Variants in NRXN3 observed in about 807,000 individuals in gnomAD.
NRXN3 encodes the protein neurexin 3, also known as neurexin III.
Under a neutral mutation model 137.6 loss-of-function variants are expected in NRXN3, and 32 were observed. That is an observed-to-expected ratio of 0.23 (90% CI 0.18 to 0.31). The LOEUF (loss-of-function observed/expected upper bound fraction) is 0.31. Ranked by LOEUF, NRXN3 falls within the 10% of genes least tolerant of loss-of-function variation. The pLI, the probability that NRXN3 is intolerant of heterozygous loss-of-function variation, is 1.00. For synonymous variants in NRXN3, 798 were observed against 784.5 expected (o/e 1.02, Z -0.29); for missense variants, 1,574 against 2,062.5 (o/e 0.76, Z 4.59).
chr14:78,270,969 C>G (rs1280901520), intron 2 of NRXN3, among the ~76,000 whole-genome samples: 1 of 152,220 alleles, frequency 6.6e-6, no homozygotes, highest in African/African-American at 2.4e-5. Flanking sequence ...GCACACATCT[C>G]AAACTTGTAC....
In NRXN3 at chr14:78,243,645, G is replaced by A. The variant is rs377180579; in HGVS notation, c.552G>A (p.Ser184=). ...TTCTGGATCTCAAGTATGGAAACTC[G>A]GAGCCTCGGCTTCTGGGGAGCCGGG... ...GLILDLKYGN[S]EPRLLGSRGV... Residue 184 remains serine (S), a synonymous_variant, in exon 2 of 21, where the codon TCG becomes TCA. Transcript: ENST00000335750. This position sits in a 1 kb window ranked among gnomAD's most constrained non-coding sequence, Gnocchi z 4.2. 4.1e-4 allele frequency: 656 copies of A among 1,598,406 alleles called. No homozygotes were observed. Among genetic ancestry groups the A allele is most frequent in the Non-Finnish European group, 5.0e-4 (585 of 1,179,804 alleles).
At chr14:78,300,397 G>A (rs1405357761) in intron 4 of NRXN3, among the ~76,000 whole-genome samples, 1 of 152,234 alleles carries the variant, frequency 6.6e-6, no homozygotes, top group Non-Finnish European at 1.5e-5. Context: ...GAAATGAATG[G>A]GATGGAGCTT....
At chr14:79,562,083 G>C (rs917134277) in intron 16 of NRXN3, among the ~76,000 whole-genome samples, 3 of 152,028 alleles carry the variant, frequency 2.0e-5, no homozygotes, top group African/African-American at 7.2e-5. Flanking sequence ...ACATATATAA[G>C]TATCATATAA....
At position 78,671,645 on chromosome 14, in the gene NRXN3, A is replaced by T. The variant is rs189722605; in HGVS notation, c.1221+20319A>T. On this transcript the variant is annotated intron_variant, in intron 6 of 20. Transcript: ENST00000335750. ...TTTTTTTCAGTTGCTCTAAATTTTT[A>T]AAAATACGTTTATGCATTTTCCTAT... Among the ~76,000 whole-genome samples, 945 of 152,316 alleles carry T rather than the reference A, an allele frequency of 6.2e-3. 6 individuals are homozygous for T. Among genetic ancestry groups the T allele is most frequent in the East Asian group, 0.037 (192 of 5,188 alleles).
intron 16 of NRXN3, among the ~76,000 whole-genome samples, chr14:79,580,573 G>C (rs547378683): frequency 1.4e-4 from 21 of 152,188 alleles, no homozygotes; most frequent in Non-Finnish European, 2.9e-4. Flanking sequence ...ATTCACGGGT[G>C]CTATTTACAG....
intron 19 of NRXN3, among the ~76,000 whole-genome samples, chr14:79,747,286 A>G (rs1163981910): frequency 6.6e-6 from 1 of 152,094 alleles, no homozygotes; most frequent in Non-Finnish European, 1.5e-5. Context: ...TTTTAGTGTA[A>G]TGAAGGATCA....
chr14:79,136,736 C>T (rs1443856386), intron 15 of NRXN3, among the ~76,000 whole-genome samples: 2 of 152,148 alleles, frequency 1.3e-5, no homozygotes, highest in Non-Finnish European at 2.9e-5. Context: ...CTTATGTTCC[C>T]CAGGGACTGC....
chr14:79,348,240 T>C (rs2092997918), intron 15 of NRXN3, among the ~76,000 whole-genome samples: 1 of 152,170 alleles, frequency 6.6e-6, no homozygotes, highest in African/African-American at 2.4e-5. Context: ...GTAGGCCTTT[T>C]CTCCCTAATG....
intron 1 of NRXN3, among the ~76,000 whole-genome samples, chr14:78,219,159 G>GA (rs960921166): frequency 2.4e-5 from 1 of 42,180 alleles, no homozygotes; most frequent in Non-Finnish European, 5.1e-5. Context: ...TTTGGTGGGA[G>GA]GGGGGATGCA....
chr14:78,382,136 T>C (rs1326047154), intron 4 of NRXN3, among the ~76,000 whole-genome samples: 1 of 152,190 alleles, frequency 6.6e-6, no homozygotes, highest in Non-Finnish European at 1.5e-5. Context: ...CATGTAAATG[T>C]ACAATTAACT....
At chr14:78,444,344 CA>C (rs1035273345) in intron 4 of NRXN3, among the ~76,000 whole-genome samples, 1 of 152,124 alleles carries the variant, frequency 6.6e-6, no homozygotes, top group African/African-American at 2.4e-5. Context: ...CCAGGGTGCC[CA>C]GCTCCTGTGT....
At chr14:78,613,133 G>T (rs753273213) in intron 4 of NRXN3, among the ~76,000 whole-genome samples, 3 of 151,522 alleles carry the variant, frequency 2.0e-5, no homozygotes, top group African/African-American at 7.3e-5. Flanking sequence ...TTAATATATT[G>T]TCCCTCTGAC....
At chr14:79,693,632 T>TAA (rs2098724226) in intron 18 of NRXN3, among the ~76,000 whole-genome samples, 1 of 151,948 alleles carries the variant, frequency 6.6e-6, no homozygotes, top group Non-Finnish European at 1.5e-5. Context: ...CTTTTAAGTC[T>TAA]AAGTTTAATA....
At chr14:78,551,121 A>G (rs182881298) in intron 4 of NRXN3, among the ~76,000 whole-genome samples, 3 of 152,344 alleles carry the variant, frequency 2.0e-5, no homozygotes, top group Admixed American at 6.5e-5. Flanking sequence ...AAGAGCATGC[A>G]TATGAATAGC....
At chr14:79,720,911 A>C (rs552708841) in intron 19 of NRXN3, among the ~76,000 whole-genome samples, 51 of 152,256 alleles carry the variant, frequency 3.3e-4, no homozygotes, top group African/African-American at 1.2e-3. Flanking sequence ...AAATGATTAA[A>C]GTAGGGAGCA....
intron 10 of NRXN3, among the ~76,000 whole-genome samples, chr14:78,893,849 A>G (rs1361287776): frequency 6.6e-6 from 1 of 151,936 alleles, no homozygotes; most frequent in Non-Finnish European, 1.5e-5. Context: ...AGCAGATACC[A>G]CAATAAAGCA....
intron 15 of NRXN3, among the ~76,000 whole-genome samples, chr14:79,014,777 G>A (rs1381516621): frequency 6.6e-6 from 1 of 152,178 alleles, no homozygotes; most frequent in East Asian, 1.9e-4. Context: ...TCTCATTTGT[G>A]TAGGTGGATG....
intron 15 of NRXN3, among the ~76,000 whole-genome samples, chr14:79,107,144 A>G (rs182849685): frequency 1.3e-5 from 2 of 152,262 alleles, no homozygotes; most frequent in East Asian, 1.9e-4. Context: ...ATTCTGCTGG[A>G]CCTAAGAGCC....
At chr14:79,710,966 TTTAGCATGCTGA>T (rs1161085224) in intron 19 of NRXN3, among the ~76,000 whole-genome samples, 1 of 151,986 alleles carries the variant, frequency 6.6e-6, no homozygotes, top group Admixed American at 6.6e-5. Flanking sequence ...TTACAAAAAC[TTTAGCATGCTGA>T]TTGGCTAGTA....
Sources: gnomAD v4.1 joint callset for allele counts (sites outside exome capture counted in the v4.1 genomes callset) on GRCh38, gnomAD v4.1.1 for gene constraint, Gnocchi (gnomAD v3.1) non-coding constraint, MANE v1.5 for transcripts, NCBI Gene and HGNC (gene_info 2026-07-23, HGNC 2026-07-21) for gene names.